SLC12A1: variants seen among roughly 807,000 people sequenced by gnomAD.
The protein encoded by SLC12A1 is Na-K-2Cl cotransporter.
Under a neutral mutation model 130.4 loss-of-function variants are expected in SLC12A1, and 89 were observed. That is an observed-to-expected ratio of 0.68 (90% CI 0.58 to 0.81). SLC12A1 has a LOEUF of 0.81. SLC12A1 is among the 40% of genes least tolerant of loss of function. SLC12A1 has a pLI of 0.00. For missense variants in SLC12A1, 1,310 were observed against 1,336.4 expected, an observed-to-expected ratio of 0.98 and a Z score of 0.31; for synonymous variants, 499 against 460.0, an observed-to-expected ratio of 1.08 and a Z score of -1.09.
At chr15:48,226,803 G>A (rs2041294853) in intron 5 of SLC12A1, 3 of 595,648 alleles carry the variant, frequency 5.0e-6, no homozygotes, top group East Asian at 2.8e-5. Context: ...CCTTACAGAT[G>A]TGCACCTTCC....
intron 21 of SLC12A1, among the ~76,000 whole-genome samples, chr15:48,286,838 C>G (rs1262646088): frequency 6.6e-6 from 1 of 152,192 alleles, no homozygotes; most frequent in Non-Finnish European, 1.5e-5. Flanking sequence ...AGAACCAATC[C>G]TGCCTCCAGG....
intron 11 of SLC12A1, 92 bp from the exon 12 acceptor site, chr15:48,246,817 A>T: frequency 1.2e-6 from 1 of 852,234 alleles, no homozygotes; most frequent in East Asian, 2.4e-5. Flanking sequence ...GTGAGAATGA[A>T]GCAGGGGGAA....
At chr15:48,286,746 A>G (rs2042064103) in intron 21 of SLC12A1, among the ~76,000 whole-genome samples, 1 of 152,262 alleles carries the variant, frequency 6.6e-6, no homozygotes, top group African/African-American at 2.4e-5. Context: ...TTTAATACCT[A>G]GAAGTTTAAA....
chr15:48,273,952 A>G (rs1004293381), intron 19 of SLC12A1, among the ~76,000 whole-genome samples: 2 of 152,210 alleles, frequency 1.3e-5, no homozygotes, highest in Admixed American at 1.3e-4. Flanking sequence ...ATCTCTTCAA[A>G]CAGAGATAAA....
chr15:48,291,986 T>C, intron 24 of SLC12A1, 122 bp downstream of exon 24: 1 of 646,418 alleles, frequency 1.5e-6, no homozygotes, highest in Non-Finnish European at 2.7e-6. Context: ...TAGGATCTAA[T>C]AAGAAGAGCC....
At chr15:48,211,795 G>A (rs948579461) in intron 2 of SLC12A1, among the ~76,000 whole-genome samples, 1 of 152,096 alleles carries the variant, frequency 6.6e-6, no homozygotes, top group Admixed American at 6.5e-5. Flanking sequence ...TAAAAAACAG[G>A]TTTGAAAGAC....
intron 20 of SLC12A1, among the ~76,000 whole-genome samples, chr15:48,281,899 A>G (rs1287306817): frequency 6.6e-6 from 1 of 152,170 alleles, no homozygotes; most frequent in Non-Finnish European, 1.5e-5. Context: ...TCTGGCCAGT[A>G]TTTCTGTTGA....
At chr15:48,264,090 T>C (rs190614787) in intron 17 of SLC12A1, among the ~76,000 whole-genome samples, 5 of 152,314 alleles carry the variant, frequency 3.3e-5, no homozygotes, top group Admixed American at 3.3e-4. Flanking sequence ...AGAGGCAATG[T>C]TATCTGAATT....
chr15:48,240,029 C>CTG (rs2041487359), intron 9 of SLC12A1, among the ~76,000 whole-genome samples: 1 of 17,144 alleles, frequency 5.8e-5, no homozygotes, highest in East Asian at 7.6e-4. Context: ...ATATATATAT[C>CTG]CATATATATA....
At chr15:48,259,449 C>A in intron 17 of SLC12A1, 138 bp downstream of exon 17, 1 of 683,280 alleles carries the variant, frequency 1.5e-6, no homozygotes, top group Non-Finnish European at 2.6e-6. Flanking sequence ...TACCTTGATT[C>A]ATAGAGCAAG....
chr15:48,221,102 A>G (rs1597401333), intron 4 of SLC12A1, 106 bp downstream of exon 4: 1 of 1,081,210 alleles, frequency 9.2e-7, no homozygotes, highest in East Asian at 2.4e-5. Flanking sequence ...TCACAGAAAT[A>G]ATTTACAGTT....
chr15:48,234,574 C>T (rs575596901), intron 8 of SLC12A1, among the ~76,000 whole-genome samples: 184 of 152,062 alleles, frequency 1.2e-3, no homozygotes, highest in African/African-American at 4.4e-3. Flanking sequence ...GAAACCCCAT[C>T]TCTACTAAAA....
chr15:48,285,635 G>A (rs2042048780), intron 21 of SLC12A1, among the ~76,000 whole-genome samples: 1 of 152,180 alleles, frequency 6.6e-6, no homozygotes, highest in South Asian at 2.1e-4. Flanking sequence ...TCAGGGAACT[G>A]AAATACGACT....
chr15:48,225,843 T>C lies in SLC12A1; in HGVS notation c.629-633T>C, dbSNP rs1383327020. ...ATTTAATACCTTTATTTTTCCTCTTTCAACTGAGGTCTTGGTGTGATTATC... is the reference window on the plus strand; with the variant it reads ...ATTTAATACCTTTATTTTTCCTCTTCCAACTGAGGTCTTGGTGTGATTATC... On this transcript the variant is annotated intron_variant, in intron 4 of 26. Transcript: ENST00000380993. 3 of 959,626 alleles carry C rather than the reference T, an allele frequency of 3.1e-6. No individual in the cohort carries two copies. The African/African-American group carries it at 5.3e-5, about 17-fold the overall frequency. 59.4% of individuals were successfully genotyped at this position (959,626 alleles called of 1,614,324 possible).
chr15:48,277,554 G>C (rs2041966509), intron 20 of SLC12A1, among the ~76,000 whole-genome samples: 1 of 149,980 alleles, frequency 6.7e-6, no homozygotes, highest in African/African-American at 2.5e-5. Context: ...TCATGATGGA[G>C]AATGAAAAAG....
rs757157982 is a variant in SLC12A1, at chr15:48,208,125, G to A, written c.406G>A (p.Glu136Lys). ...VNRPSLLEIH[E>K]QLAKNVAVTP... ...CCGACCCAGCCTGCTTGAGATTCAC[G>A]AGCAACTCGCAAAGGTAAGCTTGAA... The change falls in exon 2 of 27, where the codon GAG becomes AAG. Residue 136 changes from glutamate (E) to lysine (K), a missense_variant. By Grantham distance (56) the Glu-to-Lys change is moderately conservative. Coordinates refer to ENST00000380993, the MANE Select transcript of SLC12A1 (RefSeq NM_000338.3). The A allele has an allele frequency of 1.5e-5, 23 of 1,585,574 alleles. No homozygotes were observed. The Admixed American group carries it at 2.5e-4, about 17-fold the overall frequency.
intron 9 of SLC12A1, chr15:48,237,017 C>T (rs2041447673): frequency 1.4e-6 from 1 of 702,578 alleles, no homozygotes; most frequent in African/African-American, 1.7e-5. Flanking sequence ...TTCACCTCTC[C>T]CTCAAGGAGC....
Position 48,235,152 on chromosome 15 carries a change from T to C in SLC12A1, c.1215+148T>C, listed in dbSNP as rs558117758. ...AGATTTCCTGATGATTTAAAAGTTC[T>C]CTCTTTTAATGCCAAATTTGGATTT... On this transcript the variant is annotated intron_variant, in intron 9 of 26. Transcript: ENST00000380993. 33 of 862,816 alleles carry C rather than the reference T, an allele frequency of 3.8e-5. No individual in the cohort carries two copies. In the Middle Eastern group the frequency reaches 1.0e-3, roughly 27 times the overall value. 53.4% of individuals were successfully genotyped at this position (862,816 alleles called of 1,614,324 possible).
rs2042252591 is a variant in SLC12A1, at chr15:48,302,976, A to G, written c.*91A>G. On this transcript the variant is annotated 3_prime_UTR_variant, in exon 27 of 27. Coordinates refer to ENST00000380993, the MANE Select transcript of SLC12A1 (RefSeq NM_000338.3). ...TTTATGTTGTAAATCTGATCTATGG[A>G]TATGCAAACCTCTGGAGAGGATCCT... 1 of 994,340 alleles carries G rather than the reference A, an allele frequency of 1.0e-6. No individual in the cohort carries two copies. The highest frequency in any genetic ancestry group is 2.7e-5 in the East Asian group (1 of 37,490). The allele number at this position is 994,340 out of a possible 1,614,324, so 61.6% of individuals were successfully genotyped here.
Sources: allele counts gnomAD v4.1 joint callset (sites outside exome capture counted in the v4.1 genomes callset), GRCh38; gene constraint gnomAD v4.1.1; transcripts MANE v1.5; gene names NCBI Gene and HGNC (gene_info 2026-07-23, HGNC 2026-07-21).